Variants in MYH15 observed in about 807,000 individuals in gnomAD.
MYH15 encodes the protein myosin-15.
A neutral mutation model predicts 240.5 loss-of-function variants in MYH15; 227 were observed. The ratio of observed to expected loss-of-function variants is 0.94; its 90% CI spans 0.85 to 1.05. MYH15 has a LOEUF of 1.05. MYH15 is among the 50% of genes least tolerant of loss of function. The pLI is 0.00. For synonymous variants in MYH15, 785 were observed against 796.7 expected, an observed-to-expected ratio of 0.99 and a Z score of 0.25; for missense variants, 2,217 against 2,247.5, an observed-to-expected ratio of 0.99 and a Z score of 0.27.
At chr3:108,447,337 G>A (rs1311757530) in intron 21 of MYH15, among the ~76,000 whole-genome samples, 2 of 151,968 alleles carry the variant, frequency 1.3e-5, no homozygotes, top group Non-Finnish European at 2.9e-5. Flanking sequence ...TTTAAATCTG[G>A]AGAGGAAAAC....
intron 13 of MYH15, 72 bp downstream of exon 13, chr3:108,470,626 C>A: frequency 6.6e-7 from 1 of 1,523,040 alleles, no homozygotes; most frequent in Admixed American, 1.8e-5. Context: ...ACCATATTTT[C>A]CCATCTTCAA....
In MYH15 at chr3:108,415,839, G is replaced by A. The variant is rs75673982; in HGVS notation, c.3948+973C>T. ...CAGATGTAGGAAGTAGGTCACAGAAGGAGGCTGGAGCCAGATCAGGGGGGC... is the reference window on the plus strand; with the variant it reads ...CAGATGTAGGAAGTAGGTCACAGAAAGAGGCTGGAGCCAGATCAGGGGGGC... On this transcript the variant is annotated intron_variant, in intron 29 of 40. Transcript: ENST00000693548. Among the ~76,000 whole-genome samples, 36 of 152,300 alleles carry A rather than the reference G, an allele frequency of 2.4e-4. 1 individual carries two copies. In the East Asian group the frequency reaches 6.8e-3, roughly 29 times the overall value.
intron 1 of MYH15, among the ~76,000 whole-genome samples, chr3:108,521,417 C>CTT (rs1271123907): frequency 6.6e-6 from 1 of 151,608 alleles, no homozygotes; most frequent in African/African-American, 2.4e-5. Flanking sequence ...AAAGGAAACT[C>CTT]TTTGAGTTAT....
intron 35 of MYH15, 144 bp from the exon 36 acceptor site, chr3:108,394,300 C>A: frequency 9.6e-7 from 1 of 1,038,876 alleles, no homozygotes. Flanking sequence ...AGCAGTGCTC[C>A]CAATCCCGAA....
chr3:108,462,111 G>A (rs960417930), intron 16 of MYH15, among the ~76,000 whole-genome samples: 4 of 152,058 alleles, frequency 2.6e-5, no homozygotes, highest in Non-Finnish European at 5.9e-5. Flanking sequence ...CAAACAAAAC[G>A]TGTTTGAAGG....
At chr3:108,419,315 C>A (rs2082662594) in intron 28 of MYH15, among the ~76,000 whole-genome samples, 1 of 152,090 alleles carries the variant, frequency 6.6e-6, no homozygotes, top group African/African-American at 2.4e-5. Context: ...ATTTAATTTA[C>A]ACAAAAGCCA....
At chr3:108,491,848 T>C (rs2083350827) in intron 9 of MYH15, among the ~76,000 whole-genome samples, 1 of 152,162 alleles carries the variant, frequency 6.6e-6, no homozygotes, top group African/African-American at 2.4e-5. Flanking sequence ...CAACATTGTG[T>C]ACACTCTTCC....
chr3:108,495,843 C>G lies in MYH15; in HGVS notation c.648G>C (p.Ala216=). The G allele has an allele frequency of 6.2e-7, 1 of 1,611,544 alleles. No individual in the cohort carries two copies. Among genetic ancestry groups the G allele is most frequent in the Non-Finnish European group, 8.5e-7 (1 of 1,178,946 alleles). The change falls in exon 7 of 41, where the codon GCG becomes GCC. Residue 216 remains alanine, a synonymous_variant. Coordinates refer to ENST00000693548, the MANE Select transcript of MYH15 (RefSeq NM_014981.3). Reference sequence around the variant, plus strand: ...TTCCAAATGCTTCCAAGATAGTATTCGCTTGCATGATTTGATCTTCTAACG... The same window carrying G: ...TTCCAAATGCTTCCAAGATAGTATTGGCTTGCATGATTTGATCTTCTAACG... ...QGALEDQIMQ[A]NTILEAFGNA... is the part of the protein sequence containing the mutation.
chr3:108,401,508 T>G (rs1560320689), intron 33 of MYH15, among the ~76,000 whole-genome samples: 1 of 152,246 alleles, frequency 6.6e-6, no homozygotes, highest in Non-Finnish European at 1.5e-5. Context: ...CATTTTGTTA[T>G]GACAGCCATA....
At position 108,483,954 on chromosome 3, in the gene MYH15, C is replaced by G. The variant is rs72941726; in HGVS notation, c.1114+1137G>C. ...ATGGGGAGTTTTGGTTTAATAAGTA[C>G]ATAGTTTATTCAGGCTGACATGATG... On this transcript the variant is annotated intron_variant, in intron 11 of 40. Transcript: ENST00000693548. 3.3e-3 allele frequency among the ~76,000 whole-genome samples: 499 copies of G among 152,224 alleles called. 2 individuals are homozygous for G. Among genetic ancestry groups the G allele is most frequent in the African/African-American group, 0.011 (453 of 41,548 alleles).
Position 108,381,475 on chromosome 3 carries a change from TAA to T in MYH15, c.*68_*69del. 6.5e-7 allele frequency: 1 copy of T among 1,542,642 alleles called. No homozygotes were observed. Among genetic ancestry groups the T allele is most frequent in the Non-Finnish European group, 9.0e-7 (1 of 1,115,506 alleles). ...TTTTTAAAAATGTTTCCATGCAACC[TAA>T]GTTTTTGGCCATGAAACAGCACCTT... On this transcript the variant is annotated 3_prime_UTR_variant, in exon 41 of 41. Coordinates refer to ENST00000693548, the MANE Select transcript of MYH15 (RefSeq NM_014981.3).
At chr3:108,486,343 T>C (rs1369453678) in intron 10 of MYH15, 80 bp downstream of exon 10, 2 of 1,207,984 alleles carry the variant, frequency 1.7e-6, no homozygotes, top group Non-Finnish European at 2.4e-6. Flanking sequence ...TCTGGGTCCC[T>C]AAGAACAGAA....
chr3:108,528,744 C>G (rs1160174041), intron 1 of MYH15, among the ~76,000 whole-genome samples: 1 of 152,172 alleles, frequency 6.6e-6, no homozygotes. Context: ...CTAATTAATA[C>G]TCAGCAGAAC....
chr3:108,391,968 G>A (rs1376779351), intron 36 of MYH15, 38 bp from the exon 37 acceptor site: 7 of 1,601,344 alleles, frequency 4.4e-6, no homozygotes, highest in African/African-American at 1.3e-5. Context: ...TAGTTCAGCA[G>A]TCAATTGATC....
intron 14 of MYH15, among the ~76,000 whole-genome samples, chr3:108,469,787 C>T (rs1271394126): frequency 6.6e-6 from 1 of 152,214 alleles, no homozygotes; most frequent in East Asian, 1.9e-4. Context: ...CTCACGTTAA[C>T]AGTGGAGGCC....
Position 108,425,545 on chromosome 3 carries a change from G to A in MYH15, c.3702+2947C>T, listed in dbSNP as rs141591330. 3.5e-4 allele frequency among the ~76,000 whole-genome samples: 53 copies of A among 152,280 alleles called. 2 individuals are homozygous for A. The East Asian group carries it at 9.8e-3, about 28-fold the overall frequency. ...GAGATGGTAAAAACTGACCTGCTGC[G>A]ATAATTGACTGAAAAGCAAATAGGG... On this transcript the variant is annotated intron_variant, in intron 27 of 40. Coordinates refer to ENST00000693548, the MANE Select transcript of MYH15 (RefSeq NM_014981.3).
the MYH15 span, among the ~76,000 whole-genome samples, chr3:108,539,706 A>C: frequency 3.3e-5 from 5 of 152,196 alleles, no homozygotes; most frequent in Admixed American, 6.6e-5. Flanking sequence ...ACCTGGAATT[A>C]AATAAAATTC....
chr3:108,429,710 C>G (rs1531188), intron 26 of MYH15, among the ~76,000 whole-genome samples: 1 of 152,010 alleles, frequency 6.6e-6, no homozygotes, highest in Non-Finnish European at 1.5e-5. Context: ...AATATGTTTT[C>G]CTTTCCATTA....
intron 27 of MYH15, among the ~76,000 whole-genome samples, chr3:108,422,820 G>A (rs778627833): frequency 2.6e-5 from 4 of 152,188 alleles, no homozygotes; most frequent in Non-Finnish European, 4.4e-5. Context: ...TTATGATAGA[G>A]CAATGGCCAA....
Sources: allele counts gnomAD v4.1 joint callset (sites outside exome capture counted in the v4.1 genomes callset), GRCh38; gene constraint gnomAD v4.1.1; transcripts MANE v1.5; gene names NCBI Gene and HGNC (gene_info 2026-07-23, HGNC 2026-07-21).